The following ARSJ variants were observed in gnomAD, a reference collection of about 807,000 sequenced individuals.
ARSJ encodes arylsulfatase J.
In ARSJ, 26 loss-of-function variants were observed where a neutral mutation model predicts 35.9. The observed-to-expected ratio is 0.72, with a 90% CI of 0.53 to 1.00. ARSJ has a LOEUF of 1.00. ARSJ is among the 50% of genes least tolerant of loss of function. The pLI is 0.00. For synonymous variants in ARSJ, 294 were observed against 267.6 expected, an observed-to-expected ratio of 1.10 and a Z score of -0.96; for missense variants, 667 against 723.6, an observed-to-expected ratio of 0.92 and a Z score of 0.90.
intron 1 of ARSJ, among the ~76,000 whole-genome samples, chr4:113,932,149 A>G (rs1346203215): frequency 6.6e-6 from 1 of 152,100 alleles, no homozygotes; most frequent in South Asian, 2.1e-4. Flanking sequence ...AAAGTGGTCA[A>G]TTTAGCGAGA....
At chr4:113,972,831 C>T (rs1010272408) in intron 1 of ARSJ, among the ~76,000 whole-genome samples, 7 of 152,252 alleles carry the variant, frequency 4.6e-5, no homozygotes, top group African/African-American at 1.7e-4. Flanking sequence ...AAGTTGGGGC[C>T]GGGCTTTTAC....
chr4:113,939,751 T>A (rs889830839), intron 1 of ARSJ, among the ~76,000 whole-genome samples: 2 of 152,132 alleles, frequency 1.3e-5, no homozygotes, highest in African/African-American at 4.8e-5. Context: ...CACTTTTTGA[T>A]GGGGTTGTTT....
chr4:113,966,099 A>G (rs1430542466), intron 1 of ARSJ, among the ~76,000 whole-genome samples: 2 of 151,924 alleles, frequency 1.3e-5, no homozygotes, highest in Non-Finnish European at 2.9e-5. Flanking sequence ...AAAAATTTCA[A>G]TTATAGAATA....
chr4:113,910,814 T>C lies in ARSJ; in HGVS notation c.399-7139A>G, dbSNP rs2099670205. On this transcript the variant is annotated intron_variant, in intron 1 of 1. Coordinates refer to ENST00000315366, the MANE Select transcript of ARSJ (RefSeq NM_024590.4). ...TACAACAGGTGAATAAGATGGTCTC[T>C]GCTCTCAAGGAACTCAGTATAATTG... Among the ~76,000 whole-genome samples, 7 of 152,298 alleles carry C rather than the reference T, an allele frequency of 4.6e-5. 1 individual carries two copies. The South Asian group carries it at 1.5e-3, about 32-fold the overall frequency.
rs767157175 is a variant in ARSJ, at chr4:113,902,140, T to C, written c.*134A>G. 33 of 1,597,134 alleles carry C rather than the reference T, an allele frequency of 2.1e-5. No individual in the cohort carries two copies. Among genetic ancestry groups the C allele is most frequent in the Non-Finnish European group, 2.5e-5 (29 of 1,179,240 alleles). Reference sequence around the variant, plus strand: ...GTGGCGGCCAGGTGGCAGAAGTCTCTGGAGTGGCACAGCATGAAAACAAGC... The same window carrying C: ...GTGGCGGCCAGGTGGCAGAAGTCTCCGGAGTGGCACAGCATGAAAACAAGC... On this transcript the variant is annotated 3_prime_UTR_variant, in exon 2 of 2. Coordinates refer to ENST00000315366, the MANE Select transcript of ARSJ (RefSeq NM_024590.4).
intron 1 of ARSJ, among the ~76,000 whole-genome samples, chr4:113,932,817 A>G (rs1724538254): frequency 6.6e-6 from 1 of 152,044 alleles, no homozygotes; most frequent in Admixed American, 6.6e-5. Flanking sequence ...GCAAGAACAA[A>G]TTAAACTCAA....
At chr4:113,974,780 C>A (rs975126705) in intron 1 of ARSJ, among the ~76,000 whole-genome samples, 1 of 152,118 alleles carries the variant, frequency 6.6e-6, no homozygotes, top group Non-Finnish European at 1.5e-5. Context: ...CAAAACTGAA[C>A]ACAGACATCC....
At chr4:113,948,696 C>A (rs1366158327) in intron 1 of ARSJ, among the ~76,000 whole-genome samples, 1 of 152,034 alleles carries the variant, frequency 6.6e-6, no homozygotes, top group East Asian at 1.9e-4. Flanking sequence ...AGTTTCATAG[C>A]ACATATTGGA....
In ARSJ at chr4:113,970,235, C is replaced by A. The variant is rs77263329; in HGVS notation, c.398+8202G>T. The stretch of plus-strand genomic sequence containing the variant: ...AGTTTGAAGGTAGAAGGAGAAAGAT[C>A]TGGCTAAAAATATTGTTTAAAGACT... On this transcript the variant is annotated intron_variant, in intron 1 of 1. Coordinates refer to ENST00000315366, the MANE Select transcript of ARSJ (RefSeq NM_024590.4). 0.014 allele frequency among the ~76,000 whole-genome samples: 2,056 copies of A among 152,252 alleles called. 116 individuals carry two copies. In the East Asian group the frequency reaches 0.16, roughly 12 times the overall value.
intron 1 of ARSJ, among the ~76,000 whole-genome samples, chr4:113,939,157 C>T (rs199929153): frequency 1.1e-4 from 16 of 147,058 alleles, no homozygotes; most frequent in South Asian, 4.4e-4. Context: ...TGAGAATATG[C>T]GGTGTTTGGT....
At position 113,950,273 on chromosome 4, in the gene ARSJ, A is replaced by G. The variant is rs80273070; in HGVS notation, c.398+28164T>C. Among the ~76,000 whole-genome samples the G allele has an allele frequency of 5.9e-4, 90 of 152,174 alleles. 1 individual carries two copies. The East Asian group carries it at 0.016, about 27-fold the overall frequency. On this transcript the variant is annotated intron_variant, in intron 1 of 1. Coordinates refer to ENST00000315366, the MANE Select transcript of ARSJ (RefSeq NM_024590.4). ...GGAAATCCATCATAGAAAAGAAAGA[A>G]TAGTCCTATTCTAACCCTCCCCCTT...
chr4:113,916,489 A>T (rs1469670764), intron 1 of ARSJ, among the ~76,000 whole-genome samples: 1 of 151,506 alleles, frequency 6.6e-6, no homozygotes, highest in African/African-American at 2.4e-5. Context: ...AAATTTTATA[A>T]AAATGCTAGT....
intron 1 of ARSJ, among the ~76,000 whole-genome samples, chr4:113,921,255 A>G (rs1191651679): frequency 2.0e-5 from 3 of 152,152 alleles, no homozygotes; most frequent in African/African-American, 7.2e-5. Flanking sequence ...GTGCTTTGCA[A>G]CTTCCATAAA....
At chr4:113,973,349 CAGTT>C (rs1307623246) in intron 1 of ARSJ, among the ~76,000 whole-genome samples, 1 of 152,176 alleles carries the variant, frequency 6.6e-6, no homozygotes, top group Non-Finnish European at 1.5e-5. Flanking sequence ...GACATCCAGA[CAGTT>C]AATTTATTGA....
chr4:113,903,137 T>G lies in ARSJ; in HGVS notation c.937A>C (p.Thr313Pro). ...ATGCTGTTGTTATAGAAACCATAAG[T>G]CTTTAGAGCCAATGTCACGTTGTTG... ...AINNVTLALK[T>P]YGFYNNSIII... Residue 313 changes from threonine (T) to proline (P), a missense_variant, in exon 2 of 2, where the codon ACT becomes CCT. Transcript: ENST00000315366. 6.2e-7 allele frequency: 1 copy of G among 1,614,196 alleles called. No homozygotes were observed. Among genetic ancestry groups the G allele is most frequent in the Non-Finnish European group, 8.5e-7 (1 of 1,180,036 alleles).
chr4:113,964,840 T>C (rs1366094918), intron 1 of ARSJ, among the ~76,000 whole-genome samples: 3 of 152,086 alleles, frequency 2.0e-5, no homozygotes, highest in African/African-American at 7.2e-5. Context: ...ACCAGAGGCA[T>C]AATATTTTAA....
At chr4:113,952,147 G>A (rs962219743) in intron 1 of ARSJ, among the ~76,000 whole-genome samples, 5 of 151,914 alleles carry the variant, frequency 3.3e-5, no homozygotes, top group South Asian at 2.1e-4. Flanking sequence ...ATAGTGTACC[G>A]CAGCCTTAAA....
At chr4:113,968,316 C>T (rs1208948381) in intron 1 of ARSJ, among the ~76,000 whole-genome samples, 1 of 152,102 alleles carries the variant, frequency 6.6e-6, no homozygotes, top group East Asian at 1.9e-4. Context: ...TTTAATTAGA[C>T]TATATGAAGT....
intron 1 of ARSJ, among the ~76,000 whole-genome samples, chr4:113,934,686 T>C (rs1309853114): frequency 6.6e-6 from 1 of 151,754 alleles, no homozygotes; most frequent in Non-Finnish European, 1.5e-5. Flanking sequence ...TTAAGATGAA[T>C]ATCCCATTTA....
Sources: gnomAD v4.1 joint callset for allele counts (sites outside exome capture counted in the v4.1 genomes callset) on GRCh38, gnomAD v4.1.1 for gene constraint, MANE v1.5 for transcripts, NCBI Gene and HGNC (gene_info 2026-07-23, HGNC 2026-07-21) for gene names.